Variants in DNAH2 observed in about 807,000 individuals in gnomAD.
DNAH2 encodes the protein dynein axonemal heavy chain 2.
In DNAH2, 323 loss-of-function variants were observed where a neutral mutation model predicts 523.5. The ratio of observed to expected loss-of-function variants is 0.62; its 90% CI spans 0.56 to 0.68. DNAH2 has a LOEUF of 0.68. Ranked by LOEUF, DNAH2 falls within the 30% of genes least tolerant of loss-of-function variation. DNAH2 has a pLI of 0.00. For missense variants in DNAH2, 4,907 were observed against 5,701.5 expected, an observed-to-expected ratio of 0.86 and a Z score of 4.49; for synonymous variants, 2,093 against 2,177.4, an observed-to-expected ratio of 0.96 and a Z score of 1.08.
intron 73 of DNAH2, 62 bp from the exon 74 acceptor site, chr17:7,823,380 G>A (rs2077919774): frequency 8.6e-6 from 12 of 1,389,838 alleles, no homozygotes; most frequent in South Asian, 7.6e-5. Context: ...AGGAGAAAAA[G>A]ATCACTCTTC....
At chr17:7,833,305 C>A in intron 85 of DNAH2, 74 bp from the exon 86 acceptor site, 1 of 1,607,176 alleles carries the variant, frequency 6.2e-7, no homozygotes, top group East Asian at 2.2e-5. Flanking sequence ...CCATCCCACA[C>A]CCGCTCCTGC....
At position 7,754,694 on chromosome 17, in the gene DNAH2, C is replaced by T; in HGVS notation, c.1905-2397C>T. The T allele has an allele frequency of 2.4e-6, 3 of 1,234,352 alleles. No individual in the cohort carries two copies. The highest frequency in any genetic ancestry group is 2.3e-5 in the East Asian group (1 of 42,784). 76.5% of individuals were successfully genotyped at this position (1,234,352 alleles called of 1,614,324 possible). Reference sequence around the variant, plus strand: ...GACTTGCCTACATTGCCCACCCCAACCTTGGGAAGCTTGCTCGTGCCCGCA... The same window carrying T: ...GACTTGCCTACATTGCCCACCCCAATCTTGGGAAGCTTGCTCGTGCCCGCA... On this transcript the variant is annotated intron_variant, in intron 12 of 85. Transcript: ENST00000572933. The surrounding 1 kb of genome is among the most constrained non-coding windows in gnomAD (Gnocchi z 4.6).
Position 7,759,951 on chromosome 17 carries a change from C to G in DNAH2, c.2785+13C>G. On this transcript the variant is annotated intron_variant, in intron 17 of 85. Transcript: ENST00000572933. The stretch of plus-strand genomic sequence containing the variant: ...CAAACAGTTGTGGGTGAGTGGGCAA[C>G]GGGGAGGGCACAAGGCACAGGGTTT... 2.5e-6 allele frequency: 4 copies of G among 1,614,130 alleles called. No individual in the cohort carries two copies. Among genetic ancestry groups the G allele is most frequent in the Non-Finnish European group, 2.5e-6 (3 of 1,180,012 alleles).
Position 7,817,946 on chromosome 17 carries a change from G to T in DNAH2, c.10237G>T (p.Gly3413Cys). The T allele has an allele frequency of 6.2e-7, 1 of 1,613,968 alleles. No individual in the cohort carries two copies. Among genetic ancestry groups the T allele is most frequent in the East Asian group, 2.2e-5 (1 of 44,884 alleles). Residue 3413 changes from glycine to cysteine, a missense_variant and splice_region_variant, in exon 68 of 86, where the codon GGC becomes TGC. Transcript: ENST00000572933. The part of the protein sequence containing the change: ...KWIKNMEGGQ[G>C]LKIIDLQMSD... ...CTTCACCTTCCCCCTTGCTCTCTAGGGCCTGAAGATCATCGACCTGCAGAT... is the reference window on the plus strand; with the variant it reads ...CTTCACCTTCCCCCTTGCTCTCTAGTGCCTGAAGATCATCGACCTGCAGAT...
intron 39 of DNAH2, among the ~76,000 whole-genome samples, chr17:7,785,104 T>A (rs932684694): frequency 1.3e-5 from 2 of 151,850 alleles, no homozygotes; most frequent in African/African-American, 4.8e-5. Flanking sequence ...ATTTTTTTTT[T>A]TTTTTTTGAG....
At chr17:7,742,879 G>GTCATTA in intron 11 of DNAH2, 49 bp from the exon 12 acceptor site, 1 of 1,269,642 alleles carries the variant, frequency 7.9e-7, no homozygotes, top group Non-Finnish European at 1.0e-6. Flanking sequence ...GGTGGCCCCT[G>GTCATTA]GAGGAAGGTG....
intron 44 of DNAH2, 45 bp downstream of exon 44, chr17:7,788,289 C>T (rs763827223): frequency 6.0e-6 from 9 of 1,510,650 alleles, no homozygotes; most frequent in Admixed American, 2.2e-5. Flanking sequence ...GGGGTGCTCA[C>T]AGCCTCACCA....
At chr17:7,816,529 G>A in intron 63 of DNAH2, 42 bp from the exon 64 acceptor site, 1 of 1,608,732 alleles carries the variant, frequency 6.2e-7, no homozygotes, top group Non-Finnish European at 8.5e-7. Flanking sequence ...CAATCTGGCT[G>A]CGAGCCCTGT....
chr17:7,753,293 C>T (rs1366690893), intron 12 of DNAH2, among the ~76,000 whole-genome samples: 1 of 151,772 alleles, frequency 6.6e-6, no homozygotes, highest in African/African-American at 2.4e-5. Flanking sequence ...TGCTTGTGCA[C>T]GAGCAAGCAG....
chr17:7,792,857 TG>T lies in DNAH2; in HGVS notation c.7344+3del. 6.2e-7 allele frequency: 1 copy of T among 1,611,278 alleles called. No homozygotes were observed. Among genetic ancestry groups the T allele is most frequent in the East Asian group, 2.2e-5 (1 of 44,796 alleles). On this transcript the variant is annotated splice_donor_region_variant and intron_variant, in intron 47 of 85. Coordinates refer to ENST00000572933, the MANE Select transcript of DNAH2 (RefSeq NM_020877.5). ...CTCGTTGTCAACATGTCCGCACAGG[TG>T]TGTCGGGGATCCAGGGGCCAGGCTG... is the stretch of plus-strand genomic sequence containing the variant.
chr17:7,751,128 T>C (rs1428532107), intron 12 of DNAH2, among the ~76,000 whole-genome samples: 2 of 10,970 alleles, frequency 1.8e-4, no homozygotes, highest in Non-Finnish European at 2.5e-4. Context: ...TATTTATTTA[T>C]TTATTTATTT....
At chr17:7,827,717 A>G (rs565806576) in intron 77 of DNAH2, among the ~76,000 whole-genome samples, 1 of 151,012 alleles carries the variant, frequency 6.6e-6, no homozygotes, top group Non-Finnish European at 1.5e-5. Context: ...AACTGTTGGG[A>G]TTACACGCAT....
intron 45 of DNAH2, 85 bp downstream of exon 45, chr17:7,792,154 C>T (rs2076915510): frequency 6.2e-7 from 1 of 1,600,742 alleles, no homozygotes; most frequent in South Asian, 1.1e-5. Flanking sequence ...CTTGGGTTTC[C>T]CTCTCTCTTT....
At chr17:7,724,200 C>G (rs2074720196) in intron 3 of DNAH2, among the ~76,000 whole-genome samples, 1 of 151,834 alleles carries the variant, frequency 6.6e-6, no homozygotes, top group Admixed American at 6.6e-5. Context: ...GAGTGATGAC[C>G]TTGACATTTT....
At chr17:7,795,251 CAGT>C (rs1444141134) in intron 49 of DNAH2, among the ~76,000 whole-genome samples, 1 of 152,064 alleles carries the variant, frequency 6.6e-6, no homozygotes, top group Non-Finnish European at 1.5e-5. Context: ...AATACAAAAT[CAGT>C]AGAGTACAGT....
At position 7,798,110 on chromosome 17, in the gene DNAH2, G is replaced by T. The variant is rs762741248; in HGVS notation, c.8231-47G>T. The T allele has an allele frequency of 6.5e-7, 1 of 1,537,346 alleles. No homozygotes were observed. Among genetic ancestry groups the T allele is most frequent in the Non-Finnish European group, 8.8e-7 (1 of 1,140,190 alleles). On this transcript the variant is annotated intron_variant, in intron 53 of 85. Coordinates refer to ENST00000572933, the MANE Select transcript of DNAH2 (RefSeq NM_020877.5). This position sits in a 1 kb window ranked among gnomAD's most constrained non-coding sequence, Gnocchi z 5.5. Reference sequence around the variant, plus strand: ...CTAGCCTAGGGCCTGGAGGTCCCCTGAGTTTGCTCAGCCAACTCATTACCC... The same window carrying T: ...CTAGCCTAGGGCCTGGAGGTCCCCTTAGTTTGCTCAGCCAACTCATTACCC...
At position 7,817,658 on chromosome 17, in the gene DNAH2, C is replaced by T; in HGVS notation, c.10118C>T (p.Pro3373Leu). 1 of 1,614,108 alleles carries T rather than the reference C, an allele frequency of 6.2e-7. No homozygotes were observed. Among genetic ancestry groups the T allele is most frequent in the Non-Finnish European group, 8.5e-7 (1 of 1,180,018 alleles). Residue 3373 changes from proline (P) to leucine (L), a missense_variant, in exon 66 of 86, where the codon CCC becomes CTC. Pro to Leu is a moderately conservative substitution (Grantham distance 98, BLOSUM62 -3). This residue lies in a region of DNAH2 where 1,851 missense variants were observed against 2,139.4 expected (regional missense o/e 0.87). Transcript: ENST00000572933. ...KVRDWNIQGL[P>L]SDAFSTENGI... ...CGGGACTGGAACATCCAAGGGTTGC[C>T]CTCAGACGCCTTCTCCACTGAGAAT...
Position 7,794,127 on chromosome 17 carries a change from C to T in DNAH2, c.7570-127C>T, listed in dbSNP as rs2076998088. ...ATGTTCCTCTCAACTCGCTGCATCC[C>T]GGTTCCTCTTCCCCTTTGTCCCTCC... is the stretch of plus-strand genomic sequence containing the variant. On this transcript the variant is annotated intron_variant, in intron 48 of 85. Coordinates refer to ENST00000572933, the MANE Select transcript of DNAH2 (RefSeq NM_020877.5). The T allele has an allele frequency of 1.0e-5, 6 of 573,120 alleles. No homozygotes were observed. The South Asian group carries it at 1.1e-4, about 10-fold the overall frequency. 35.5% of individuals were successfully genotyped at this position (573,120 alleles called of 1,614,324 possible). A position where few individuals can be genotyped will look rare whatever the true frequency, so the allele number is the denominator to read the frequency against.
At chr17:7,789,469 A>T (rs1359580002) in intron 44 of DNAH2, among the ~76,000 whole-genome samples, 1 of 152,060 alleles carries the variant, frequency 6.6e-6, no homozygotes, top group Non-Finnish European at 1.5e-5. Flanking sequence ...GGATGGTGAG[A>T]TGGGTTGTGT....
Sources: allele counts gnomAD v4.1 joint callset (sites outside exome capture counted in the v4.1 genomes callset), GRCh38; gene constraint gnomAD v4.1.1; regional missense constraint gnomAD v4.1.1; non-coding constraint Gnocchi (gnomAD v3.1); transcripts MANE v1.5; gene names NCBI Gene and HGNC (gene_info 2026-07-23, HGNC 2026-07-21).